The following SKA2 variants were observed in gnomAD, a reference collection of about 807,000 sequenced individuals.
The protein encoded by SKA2 is spindle and kinetochore-associated protein 2.
SKA2 carries 13 observed loss-of-function variants against 16.9 expected under a neutral mutation model. That is an observed-to-expected ratio of 0.77 (90% CI 0.50 to 1.22). SKA2 has a LOEUF of 1.22. SKA2 is among the 50% of genes most tolerant of loss of function. SKA2 has a pLI of 0.00. For synonymous variants in SKA2, 47 were observed against 48.5 expected, an observed-to-expected ratio of 0.97 and a Z score of 0.13; for missense variants, 107 against 139.7, an observed-to-expected ratio of 0.77 and a Z score of 1.18.
At chr17:59,142,056 C>T (rs760644408) in intron 1 of SKA2, among the ~76,000 whole-genome samples, 19 of 152,190 alleles carry the variant, frequency 1.2e-4, no homozygotes, top group African/African-American at 4.3e-4. Context: ...ATTCTACCCA[C>T]ATGCCATTGA....
At chr17:59,140,176 C>A (rs375436600) in intron 1 of SKA2, among the ~76,000 whole-genome samples, 1 of 152,024 alleles carries the variant, frequency 6.6e-6, no homozygotes, top group African/African-American at 2.4e-5. Context: ...CAATTGGCAA[C>A]CAGAGGGGAT....
At chr17:59,123,241 C>CT (rs138522640) in intron 2 of SKA2, among the ~76,000 whole-genome samples, 1,395 of 99,082 alleles carry the variant, frequency 0.014, 12 homozygotes, top group South Asian at 0.039. Flanking sequence ...GTACAAAATT[C>CT]TTTTTTTTTT....
At position 59,109,971 on chromosome 17, in the gene SKA2, G is replaced by C. The variant is rs1481531125; in HGVS notation, c.*2306C>G. 6.6e-6 allele frequency: 1 copy of C among 152,166 alleles called. No individual in the cohort carries two copies. Among genetic ancestry groups the C allele is most frequent in the Non-Finnish European group, 1.5e-5 (1 of 68,028 alleles). The allele number at this position is 152,166 out of a possible 1,614,324, so 9.4% of individuals were successfully genotyped here. A position where few individuals can be genotyped will look rare whatever the true frequency, so the allele number is the denominator to read the frequency against. ...GACCATTTTAGAAAGAGGATTGTAG[G>C]TTTTATTGACTAAGAAGATAAAGGG... On this transcript the variant is annotated 3_prime_UTR_variant, in exon 4 of 4. Transcript: ENST00000330137.
intron 1 of SKA2, among the ~76,000 whole-genome samples, chr17:59,145,180 C>T (rs1355801580): frequency 6.6e-6 from 1 of 151,984 alleles, no homozygotes. Context: ...GTATTTAATA[C>T]CACTTAAAAT....
intron 2 of SKA2, chr17:59,129,324 G>C (rs1599666677): frequency 6.6e-6 from 1 of 150,622 alleles, no homozygotes; most frequent in Non-Finnish European, 1.5e-5. Flanking sequence ...ACTCCAGCCT[G>C]GGTGACAGAG....
At chr17:59,126,166 G>A (rs1208285342) in intron 2 of SKA2, among the ~76,000 whole-genome samples, 4 of 150,254 alleles carry the variant, frequency 2.7e-5, no homozygotes, top group African/African-American at 9.8e-5. Context: ...GCGAGACTCC[G>A]TCTCAAAATA....
chr17:59,151,502 A>C (rs1261091321), intron 1 of SKA2, among the ~76,000 whole-genome samples: 1 of 152,206 alleles, frequency 6.6e-6, no homozygotes, highest in Admixed American at 6.5e-5. Flanking sequence ...GGGTATTGTT[A>C]ATACTTTAGG....
intron 1 of SKA2, among the ~76,000 whole-genome samples, chr17:59,146,875 TG>T (rs957510605): frequency 2.2e-4 from 34 of 152,348 alleles, no homozygotes; most frequent in African/African-American, 8.2e-4. Flanking sequence ...CTTGCTATGT[TG>T]CCCAGGCTGG....
rs1316924704 is a variant in SKA2 at position 59,112,313 on chromosome 17, C to T, written c.330G>A (p.Ala110=). The change falls in exon 4 of 4, where the codon GCG becomes GCA. Residue 110 remains alanine (A), a synonymous_variant. Transcript: ENST00000330137. The stretch of plus-strand genomic sequence containing the variant: ...GCATGTGAAATTTGAATTGCTCTGC[C>T]GCAGTTTTCTCTTCTTTAGTCAGTG... The part of the protein sequence containing the change: ...LSPLTKEEKT[A]AEQFKFHMPD... 8 of 1,610,808 alleles carry T rather than the reference C, an allele frequency of 5.0e-6. 1 individual carries two copies. Among genetic ancestry groups the T allele is most frequent in the Middle Eastern group, 4.5e-4 (2 of 4,486 alleles).
In SKA2 at chr17:59,111,237, C is replaced by G. The variant is rs990299335; in HGVS notation, c.*1040G>C. 1 of 152,208 alleles carries G rather than the reference C, an allele frequency of 6.6e-6. No homozygotes were observed. The highest frequency in any genetic ancestry group is 6.5e-5 in the Admixed American group (1 of 15,278). The allele number at this position is 152,208 out of a possible 1,614,324, so 9.4% of individuals were successfully genotyped here. ...TGCAATACCTGCTTTCCCTCTCCCC[C>G]ACTTAGCATAGTTTCAGCATTTCCC... On this transcript the variant is annotated 3_prime_UTR_variant, in exon 4 of 4. Transcript: ENST00000330137.
At chr17:59,116,810 C>CTTTTTT (rs909458290) in intron 3 of SKA2, among the ~76,000 whole-genome samples, 7 of 75,300 alleles carry the variant, frequency 9.3e-5, no homozygotes, top group South Asian at 5.8e-4. Context: ...CTGCCTTTGG[C>CTTTTTT]TTTTTTTTTT....
At chr17:59,137,454 G>A (rs1047469575) in intron 1 of SKA2, among the ~76,000 whole-genome samples, 1 of 152,074 alleles carries the variant, frequency 6.6e-6, no homozygotes, top group Non-Finnish European at 1.5e-5. Context: ...AAAAGAATTC[G>A]GATACATGGT....
At chr17:59,139,396 C>CAA (rs113246125) in intron 1 of SKA2, among the ~76,000 whole-genome samples, 521 of 48,792 alleles carry the variant, frequency 0.011, 11 homozygotes, top group African/African-American at 0.025. Context: ...GACTCCGTCT[C>CAA]AAAAAAAAAA....
In SKA2 at chr17:59,112,081, G is replaced by T; in HGVS notation, c.*196C>A. 1.8e-6 allele frequency: 1 copy of T among 561,344 alleles called. No homozygotes were observed. The highest frequency in any genetic ancestry group is 3.2e-6 in the Non-Finnish European group (1 of 311,516). The allele number at this position is 561,344 out of a possible 1,614,324, so 34.8% of individuals were successfully genotyped here. A position where few individuals can be genotyped will look rare whatever the true frequency, so the allele number is the denominator to read the frequency against. On this transcript the variant is annotated 3_prime_UTR_variant, in exon 4 of 4. Transcript: ENST00000330137. ...GTTTTATTCTCATTTGATCCTTTTG[G>T]CTGAACTTTATTCATATATTATCTG...
At chr17:59,125,125 C>T (rs963799304) in intron 2 of SKA2, among the ~76,000 whole-genome samples, 6 of 151,036 alleles carry the variant, frequency 4.0e-5, no homozygotes, top group Non-Finnish European at 8.8e-5. Context: ...AGGCATGCGC[C>T]ACTACGCCTG....
chr17:59,131,499 T>C, intron 1 of SKA2, 132 bp from the exon 2 acceptor site: 1 of 516,440 alleles, frequency 1.9e-6, no homozygotes, highest in Non-Finnish European at 3.3e-6. Context: ...AATGTGGAAA[T>C]AAAAAGTATA....
chr17:59,150,756 T>A (rs1215742155), intron 1 of SKA2, among the ~76,000 whole-genome samples: 2 of 151,836 alleles, frequency 1.3e-5, no homozygotes, highest in African/African-American at 4.8e-5. Flanking sequence ...GAAAAAAAAA[T>A]GACTTGGGGC....
rs771242117 is a variant in SKA2, at chr17:59,131,323, CA to C, written c.77del (p.Leu26ArgfsTer22). On this transcript the variant is annotated frameshift_variant, in exon 2 of 4. Coordinates refer to ENST00000330137, the MANE Select transcript of SKA2 (RefSeq NM_182620.4). LOFTEE classifies it high-confidence loss of function. ...ESDLDYIQYR[L>X]EYEIKTNHPD... ...GATGATTAGTCTTGATTTCATATTC[CA>C]GCCTGTATTGAATGTAATCCAGATC... 1.6e-5 allele frequency: 26 copies of C among 1,581,916 alleles called. No homozygotes were observed. The highest frequency in any genetic ancestry group is 2.1e-5 in the Non-Finnish European group (24 of 1,161,862).
intron 1 of SKA2, among the ~76,000 whole-genome samples, chr17:59,136,958 A>G (rs2046450069): frequency 6.6e-6 from 1 of 152,220 alleles, no homozygotes; most frequent in Admixed American, 6.5e-5. Flanking sequence ...GTAGTTAGAC[A>G]AAGTTATAGA....
Sources: gnomAD v4.1 joint callset for allele counts (sites outside exome capture counted in the v4.1 genomes callset) on GRCh38, gnomAD v4.1.1 for gene constraint, MANE v1.5 for transcripts, NCBI Gene and HGNC (gene_info 2026-07-23, HGNC 2026-07-21) for gene names.